RAB12: variants seen among roughly 807,000 people sequenced by gnomAD.
The protein encoded by RAB12 is RAB12, member RAS oncogene family.
Under a neutral mutation model 28.4 loss-of-function variants are expected in RAB12, and 11 were observed. The observed-to-expected ratio is 0.39, with a 90% CI of 0.24 to 0.64. The LOEUF (loss-of-function observed/expected upper bound fraction) is 0.64, where lower values mean the gene tolerates loss of function less well. RAB12 is among the 30% of genes least tolerant of loss of function. RAB12 has a pLI of 0.50. For synonymous variants in RAB12, 138 were observed against 145.3 expected (o/e 0.95, Z 0.36); for missense variants, 276 against 351.1 (o/e 0.79, Z 1.71).
intron 1 of RAB12, among the ~76,000 whole-genome samples, chr18:8,612,945 G>C (rs1481194106): frequency 6.6e-6 from 1 of 152,218 alleles, no homozygotes; most frequent in Non-Finnish European, 1.5e-5. Context: ...GTAAGCCACT[G>C]CTCCTGACCA....
chr18:8,634,283 CTTTTTTTTTT>C (rs752637908), intron 3 of RAB12, among the ~76,000 whole-genome samples: 1 of 92,584 alleles, frequency 1.1e-5, no homozygotes, highest in Admixed American at 1.2e-4. Flanking sequence ...CTCTCTCTCT[CTTTTTTTTTT>C]TTTTTTTTTT....
In RAB12 at chr18:8,633,347, G is replaced by T; in HGVS notation, c.714+20G>T. The T allele has an allele frequency of 6.2e-7, 1 of 1,613,128 alleles. No homozygotes were observed. On this transcript the variant is annotated intron_variant, in intron 3 of 5. Coordinates refer to ENST00000649141, the MANE Select transcript of RAB12 (RefSeq NM_001025300.3). ...GATAAGGTAAATGTTGCATTTTTCT[G>T]TCCAATGTGAACTCTCTGCTTGTGA...
At chr18:8,628,015 A>G (rs1186970302) in intron 2 of RAB12, among the ~76,000 whole-genome samples, 16 of 152,218 alleles carry the variant, frequency 1.1e-4, no homozygotes, top group Admixed American at 9.8e-4. Flanking sequence ...CAATTGCACA[A>G]AAACCAGATA....
At chr18:8,628,271 G>A (rs12455517) in intron 2 of RAB12, among the ~76,000 whole-genome samples, 18,242 of 152,094 alleles carry the variant, frequency 0.12, 1,298 homozygotes, top group Admixed American at 0.17. Flanking sequence ...GCTGGCACAC[G>A]GTAGATATTT....
intron 1 of RAB12, among the ~76,000 whole-genome samples, chr18:8,612,637 G>C (rs936075136): frequency 1.3e-5 from 2 of 152,198 alleles, no homozygotes; most frequent in Admixed American, 1.3e-4. Flanking sequence ...TCCTAGGCTA[G>C]GAGAGTGTTT....
In RAB12 at chr18:8,639,144, G is replaced by GTTTTTTTTTTTTTTTTTTTTTTTTT. The variant is rs1598315808; in HGVS notation, c.*884_*885insTTTTTTTTTTTTTTTTTTTTTTTTT. ...CTTATTCTGATTAAGCCTAGACTGT[G>GTTTTTTTTTTTTTTTTTTTTTTTTT]TTCTTTTTTTTTTTTTTTTTTTTTT... On this transcript the variant is annotated 3_prime_UTR_variant, in exon 6 of 6. Coordinates refer to ENST00000649141, the MANE Select transcript of RAB12 (RefSeq NM_001025300.3). The GTTTTTTTTTTTTTTTTTTTTTTTTT allele has an allele frequency of 6.0e-4, 10 of 16,584 alleles. 1 individual carries two copies. The highest frequency in any genetic ancestry group is 3.9e-3 in the Admixed American group (4 of 1,026). The allele number at this position is 16,584 out of a possible 1,614,324, so 1.0% of individuals were successfully genotyped here. A position where few individuals can be genotyped will look rare whatever the true frequency, so the allele number is the denominator to read the frequency against.
Position 8,633,319 on chromosome 18 carries a change from A to G in RAB12, c.706A>G (p.Ile236Val). ...TGATTTGCCGAAATGGATGAAGATG[A>G]TTGATAAGGTAAATGTTGCATTTTT... Reference protein sequence around the residue: ...FDDLPKWMKMIDKYASEDAEL... With the variant: ...FDDLPKWMKMVDKYASEDAEL... The change falls in exon 3 of 6, where the codon ATT (isoleucine) becomes GTT (valine). Residue 236 changes from isoleucine (I) to valine (V), a missense_variant. Physicochemically the swap from Ile to Val is conservative, Grantham distance 29 (BLOSUM62 3). Transcript: ENST00000649141. 1 of 1,614,034 alleles carries G rather than the reference A, an allele frequency of 6.2e-7. No individual in the cohort carries two copies. Among genetic ancestry groups the G allele is most frequent in the African/African-American group, 1.3e-5 (1 of 75,064 alleles).
At chr18:8,622,085 A>C (rs932731951) in intron 1 of RAB12, among the ~76,000 whole-genome samples, 1 of 152,306 alleles carries the variant, frequency 6.6e-6, no homozygotes, top group African/African-American at 2.4e-5. Flanking sequence ...TTCAGACTCC[A>C]TTGTTAGCAG....
intron 2 of RAB12, among the ~76,000 whole-genome samples, chr18:8,630,870 A>T (rs188156222): frequency 6.6e-6 from 1 of 152,160 alleles, no homozygotes; most frequent in East Asian, 1.9e-4. Flanking sequence ...AACAAAGCCA[A>T]TTCTGGTTTG....
Position 8,639,144 on chromosome 18 carries a change from GTTCTTTTTTTTTTTTTTTTTTTTTTT to G in RAB12, c.*885_*910del, listed in dbSNP as rs2096020816. ...CTTATTCTGATTAAGCCTAGACTGT[GTTCTTTTTTTTTTTTTTTTTTTTTTT>G]TTTTTTTTTTTTTTTTTTTTTTGGT... On this transcript the variant is annotated 3_prime_UTR_variant, in exon 6 of 6. Transcript: ENST00000649141. 3 of 16,584 alleles carry G rather than the reference GTTCTTTTTTTTTTTTTTTTTTTTTTT, an allele frequency of 1.8e-4. No individual in the cohort carries two copies. Among genetic ancestry groups the G allele is most frequent in the South Asian group, 2.2e-3 (1 of 448 alleles). 1.0% of individuals were successfully genotyped at this position (16,584 alleles called of 1,614,324 possible).
chr18:8,631,165 C>T (rs763661656), intron 2 of RAB12, among the ~76,000 whole-genome samples: 5 of 152,252 alleles, frequency 3.3e-5, no homozygotes, highest in Admixed American at 3.3e-4. Context: ...GCTGGGATTA[C>T]AGGCATGAGC....
At chr18:8,612,234 A>G (rs1470963258) in intron 1 of RAB12, among the ~76,000 whole-genome samples, 1 of 152,212 alleles carries the variant, frequency 6.6e-6, no homozygotes, top group African/African-American at 2.4e-5. Flanking sequence ...CCTCCAGTCG[A>G]GGCTAGTGAT....
At position 8,625,147 on chromosome 18, in the gene RAB12, CAA is replaced by C. The variant is rs2096011965; in HGVS notation, c.575+150_575+151del. The C allele has an allele frequency of 1.0e-5, 6 of 592,470 alleles. No individual in the cohort carries two copies. The South Asian group carries it at 1.4e-4, about 14-fold the overall frequency. 36.7% of individuals were successfully genotyped at this position (592,470 alleles called of 1,614,324 possible). On this transcript the variant is annotated intron_variant, in intron 2 of 5. Coordinates refer to ENST00000649141, the MANE Select transcript of RAB12 (RefSeq NM_001025300.3). ...AAAATTAAATGGACAGTGTTTCCAT[CAA>C]GAGAGAGAATTTAGATAAGGCTGTT... is the stretch of plus-strand genomic sequence containing the variant.
At chr18:8,637,563 C>T (rs1204280805) in intron 5 of RAB12, among the ~76,000 whole-genome samples, 1 of 151,948 alleles carries the variant, frequency 6.6e-6, no homozygotes, top group Non-Finnish European at 1.5e-5. Flanking sequence ...GGAGGACTTT[C>T]AATAATAATA....
At chr18:8,633,091 G>A (rs1037004884) in intron 2 of RAB12, 98 bp from the exon 3 acceptor site, 61 of 1,474,606 alleles carry the variant, frequency 4.1e-5, no homozygotes, top group East Asian at 9.1e-5. Flanking sequence ...TTCTTTTTTC[G>A]CAGAAAAACT....
At chr18:8,609,985 C>T in intron 1 of RAB12, 32 bp downstream of exon 1, 2 of 1,551,768 alleles carry the variant, frequency 1.3e-6, no homozygotes, top group Non-Finnish European at 1.8e-6. Context: ...TGGGCCGGGC[C>T]TCCTGGCGCC....
At chr18:8,627,904 A>G (rs2096013748) in intron 2 of RAB12, among the ~76,000 whole-genome samples, 1 of 152,198 alleles carries the variant, frequency 6.6e-6, no homozygotes, top group African/African-American at 2.4e-5. Flanking sequence ...TAGTAATTAA[A>G]TAATTTAAGT....
At chr18:8,614,801 G>A (rs2148706215) in intron 1 of RAB12, among the ~76,000 whole-genome samples, 1 of 152,166 alleles carries the variant, frequency 6.6e-6, no homozygotes, top group South Asian at 2.1e-4. Flanking sequence ...GGCCAGGCTG[G>A]TCTCGAAATC....
rs2096020916 is a variant in RAB12, at chr18:8,639,154, T to TG, written c.*892_*893insG. 1.1e-5 allele frequency: 1 copy of TG among 91,750 alleles called. No homozygotes were observed. Among genetic ancestry groups the TG allele is most frequent in the Non-Finnish European group, 2.1e-5 (1 of 46,888 alleles). The allele number at this position is 91,750 out of a possible 1,614,324, so 5.7% of individuals were successfully genotyped here. ...TTAAGCCTAGACTGTGTTCTTTTTTTTTTTTTTTTTTTTTTTTTTTTTTTT... is the reference window on the plus strand; with the variant it reads ...TTAAGCCTAGACTGTGTTCTTTTTTTGTTTTTTTTTTTTTTTTTTTTTTTTT... On this transcript the variant is annotated 3_prime_UTR_variant, in exon 6 of 6. Transcript: ENST00000649141.
Sources: gnomAD v4.1 joint callset for allele counts (sites outside exome capture counted in the v4.1 genomes callset) on GRCh38, gnomAD v4.1.1 for gene constraint, MANE v1.5 for transcripts, NCBI Gene and HGNC (gene_info 2026-07-23, HGNC 2026-07-21) for gene names.